PLEKHG1: variants seen among roughly 807,000 people sequenced by gnomAD.
The protein encoded by PLEKHG1 is pleckstrin homology and RhoGEF domain containing G1.
A neutral mutation model predicts 100.8 loss-of-function variants in PLEKHG1; 44 were observed. That is an observed-to-expected ratio of 0.44 (90% CI 0.34 to 0.56). The LOEUF (loss-of-function observed/expected upper bound fraction) is 0.56. Ranked by LOEUF, PLEKHG1 falls within the 20% of genes least tolerant of loss-of-function variation. The probability of loss-of-function intolerance (pLI) is 0.01; values close to 1 mark genes in which losing one functional copy is unlikely to be tolerated. For synonymous variants in PLEKHG1, 640 were observed against 662.5 expected, an observed-to-expected ratio of 0.97 and a Z score of 0.52; for missense variants, 1,545 against 1,720.9, an observed-to-expected ratio of 0.90 and a Z score of 1.81.
chr6:150,751,101 A>G (rs1783487782), intron 2 of PLEKHG1, among the ~76,000 whole-genome samples: 1 of 152,224 alleles, frequency 6.6e-6, no homozygotes, highest in Non-Finnish European at 1.5e-5. Context: ...AGTACGTTCT[A>G]AAGTATTGTA....
chr6:150,787,799 C>A (rs1171069971), intron 4 of PLEKHG1, among the ~76,000 whole-genome samples: 1 of 152,138 alleles, frequency 6.6e-6, no homozygotes, highest in African/African-American at 2.4e-5. Context: ...AATCCATGGG[C>A]TCTCCTGACT....
rs1776931093 is a variant in PLEKHG1 at position 150,613,388 on chromosome 6, A to ATATATTTCCAGT, written c.-204+13371_-204+13372insTATATTTCCAGT. On this transcript the variant is annotated intron_variant, in intron 1 of 3. Transcript: ENST00000367326. ...GGATACATCTGCTTAGTGAAAACAGAGACTTTGTGTGGCTATGATATTTCC... is the reference window on the plus strand; with the variant it reads ...GGATACATCTGCTTAGTGAAAACAGATATATTTCCAGTGACTTTGTGTGGCTATGATATTTCC... Among the ~76,000 whole-genome samples the ATATATTTCCAGT allele has an allele frequency of 2.0e-5, 3 of 149,354 alleles. No individual in the cohort carries two copies. In the Admixed American group the frequency reaches 2.0e-4, roughly 10 times the overall value.
intron 1 of PLEKHG1, among the ~76,000 whole-genome samples, chr6:150,726,707 A>C (rs554287713): frequency 6.6e-6 from 1 of 152,302 alleles, no homozygotes; most frequent in South Asian, 2.1e-4. Context: ...AATAACTACA[A>C]ATAAATATGA....
At chr6:150,813,237 G>A (rs370529290) in intron 10 of PLEKHG1, among the ~76,000 whole-genome samples, 50 of 151,494 alleles carry the variant, frequency 3.3e-4, no homozygotes, top group African/African-American at 9.9e-4. Flanking sequence ...CCCGGGAGGC[G>A]GAGCTTGCAT....
intron 2 of PLEKHG1, among the ~76,000 whole-genome samples, chr6:150,758,343 T>C (rs903622076): frequency 1.5e-4 from 22 of 146,938 alleles, no homozygotes; most frequent in Admixed American, 6.7e-4. Context: ...TGACTTTTTT[T>C]TTTTTTTTTT....
At chr6:150,707,746 CA>C (rs1202731268) in intron 3 of PLEKHG1, among the ~76,000 whole-genome samples, 1 of 152,102 alleles carries the variant, frequency 6.6e-6, no homozygotes, top group African/African-American at 2.4e-5. Flanking sequence ...GTTGACCAAA[CA>C]ACAGGTCCAC....
intron 11 of PLEKHG1, among the ~76,000 whole-genome samples, 164 bp from the exon 13 acceptor site, chr6:150,819,515 G>A (rs769834375): frequency 1.3e-4 from 20 of 151,896 alleles, no homozygotes; most frequent in Non-Finnish European, 1.6e-4. Flanking sequence ...GCAGTGAGCC[G>A]AGATCATGCC....
At chr6:150,803,634 G>A (rs1459502763) in intron 6 of PLEKHG1, among the ~76,000 whole-genome samples, 1 of 152,132 alleles carries the variant, frequency 6.6e-6, no homozygotes, top group East Asian at 1.9e-4. Flanking sequence ...TCAGAGAATT[G>A]AGTACTGAAA....
chr6:150,781,488 A>G (rs1785307433), intron 3 of PLEKHG1, among the ~76,000 whole-genome samples: 1 of 151,656 alleles, frequency 6.6e-6, no homozygotes, highest in African/African-American at 2.4e-5. Flanking sequence ...CTGGGAGAAG[A>G]TGCGAGATTC....
At chr6:150,726,201 T>G (rs1037167514) in intron 1 of PLEKHG1, among the ~76,000 whole-genome samples, 6 of 152,166 alleles carry the variant, frequency 3.9e-5, no homozygotes, top group African/African-American at 1.4e-4. Context: ...CACAGCATAG[T>G]GCCTATAGCT....
intron 2 of PLEKHG1, among the ~76,000 whole-genome samples, chr6:150,766,470 A>G (rs1270188517): frequency 1.3e-5 from 2 of 152,248 alleles, no homozygotes; most frequent in Non-Finnish European, 2.9e-5. Context: ...TTCAGGAGCT[A>G]GTCTAGGGTT....
chr6:150,791,676 G>GAAAAAAAAAAA (rs34212457), intron 4 of PLEKHG1, among the ~76,000 whole-genome samples: 1 of 103,794 alleles, frequency 9.6e-6, no homozygotes. Flanking sequence ...TCTCAAAAAA[G>GAAAAAAAAAAA]AAAAAAAAAA....
intron 2 of PLEKHG1, among the ~76,000 whole-genome samples, chr6:150,754,293 T>C (rs1245877842): frequency 6.6e-6 from 1 of 151,932 alleles, no homozygotes; most frequent in Non-Finnish European, 1.5e-5. Flanking sequence ...TGAGTGCCTG[T>C]GTTGGTAGAG....
chr6:150,771,632 G>A (rs1265460599), intron 3 of PLEKHG1, among the ~76,000 whole-genome samples: 4 of 151,496 alleles, frequency 2.6e-5, no homozygotes, highest in Non-Finnish European at 2.9e-5. Flanking sequence ...TGCAACCTCC[G>A]CCTCCCGGGT....
Position 150,600,172 on chromosome 6 carries a change from G to A in PLEKHG1, c.-204+155G>A, listed in dbSNP as rs971179548. ...GCCCCCTGCGCGCCCCTCCGCAGTG[G>A]GGACGGAGGGCCTTGGGGGGCGCCG... On this transcript the variant is annotated intron_variant, in intron 1 of 3. Transcript: ENST00000367326. The surrounding 1 kb of genome is among the most constrained non-coding windows in gnomAD (Gnocchi z 6.2). Among the ~76,000 whole-genome samples, 3 of 151,482 alleles carry A rather than the reference G, an allele frequency of 2.0e-5. No individual in the cohort carries two copies. Among genetic ancestry groups the A allele is most frequent in the Non-Finnish European group, 2.9e-5 (2 of 67,820 alleles).
intron 1 of PLEKHG1, among the ~76,000 whole-genome samples, chr6:150,619,771 T>G (rs1582822873): frequency 1.3e-5 from 2 of 152,358 alleles, no homozygotes; most frequent in East Asian, 3.9e-4. Flanking sequence ...TTCACCCTTC[T>G]ACATTATGTT....
chr6:150,702,207 C>T (rs1181282925), intron 3 of PLEKHG1, among the ~76,000 whole-genome samples: 1 of 152,238 alleles, frequency 6.6e-6, no homozygotes, highest in East Asian at 1.9e-4. Context: ...CGCAGTGGCT[C>T]ATGCCTATAA....
intron 3 of PLEKHG1, among the ~76,000 whole-genome samples, chr6:150,669,033 CT>C (rs1162876015): frequency 2.6e-5 from 4 of 152,030 alleles, no homozygotes; most frequent in Non-Finnish European, 5.9e-5. Context: ...TAACTAGGGC[CT>C]TTTTTTGCAG....
upstream of PLEKHG1, among the ~76,000 whole-genome samples, chr6:150,720,664 G>A (rs1389717): frequency 0.27 from 41,086 of 151,000 alleles, 6,068 homozygotes; most frequent in Non-Finnish European, 0.34. Context: ...AGATGTGTCC[G>A]TTTACTTTGA....
Sources: gnomAD v4.1 joint callset for allele counts (sites outside exome capture counted in the v4.1 genomes callset) on GRCh38, gnomAD v4.1.1 for gene constraint, Gnocchi (gnomAD v3.1) non-coding constraint, MANE v1.5 for transcripts, NCBI Gene and HGNC (gene_info 2026-07-23, HGNC 2026-07-21) for gene names.